Variants in PLEKHG1 observed in about 807,000 individuals in gnomAD.
The protein encoded by PLEKHG1 is pleckstrin homology and RhoGEF domain containing G1, also known as pleckstrin homology domain-containing family G member 1.
A neutral mutation model predicts 100.8 loss-of-function variants in PLEKHG1; 44 were observed. The ratio of observed to expected loss-of-function variants is 0.44; its 90% CI spans 0.34 to 0.56. The LOEUF (loss-of-function observed/expected upper bound fraction) is 0.56. Among genes scored for constraint, PLEKHG1 ranks in the 20% least tolerant of loss-of-function variants. The probability of loss-of-function intolerance (pLI) is 0.01; values close to 1 mark genes in which losing one functional copy is unlikely to be tolerated. For synonymous variants in PLEKHG1, 640 were observed against 662.5 expected (o/e 0.97, Z 0.52); for missense variants, 1,545 against 1,720.9 (o/e 0.90, Z 1.81).
In PLEKHG1 at chr6:150,670,378, G is replaced by A. The variant is rs181704903; in HGVS notation, c.-99+19592G>A. ...AAGCCATGTATAAGATAAACGTTGC[G>A]TTTGTAATAAAGAGTAAACCTAAGA... On this transcript the variant is annotated intron_variant, in intron 3 of 3. Coordinates refer to the PLEKHG1 transcript ENST00000367326. Among the ~76,000 whole-genome samples the A allele has an allele frequency of 3.0e-3, 450 of 152,184 alleles. 7 individuals are homozygous for A. Among genetic ancestry groups the A allele is most frequent in the Non-Finnish European group, 1.9e-3 (130 of 68,020 alleles).
rs1480250892 is a variant in PLEKHG1 at position 150,733,577 on chromosome 6, C to A, written c.-98-7C>A. ...CTTGTCCTTTTTATTTTCTTTAATGCATATAGATGGGCACCAGTTGCGTCT... is the reference window on the plus strand; with the variant it reads ...CTTGTCCTTTTTATTTTCTTTAATGAATATAGATGGGCACCAGTTGCGTCT... On this transcript the variant is annotated splice_region_variant and splice_polypyrimidine_tract_variant and intron_variant, in intron 1 of 15. Transcript: ENST00000358517. 3.1e-6 allele frequency: 5 copies of A among 1,598,810 alleles called. No homozygotes were observed. In the Admixed American group the frequency reaches 5.2e-5, roughly 16 times the overall value.
chr6:150,718,873 T>C (rs1053586517), upstream of PLEKHG1, among the ~76,000 whole-genome samples: 3 of 145,464 alleles, frequency 2.1e-5, no homozygotes, highest in Admixed American at 6.9e-5. Flanking sequence ...TACTTGGTAC[T>C]AGGATCAATA....
rs1004489286 is a variant in PLEKHG1 at position 150,665,016 on chromosome 6, C to T, written c.-99+14230C>T. ...GCTTCCAAGCTGCTGGCGAGGACAGCTGGGTAGAGATAGGTTGCAACCGGG... is the reference window on the plus strand; with the variant it reads ...GCTTCCAAGCTGCTGGCGAGGACAGTTGGGTAGAGATAGGTTGCAACCGGG... On this transcript the variant is annotated intron_variant, in intron 3 of 3. Transcript: ENST00000367326. 5.9e-5 allele frequency among the ~76,000 whole-genome samples: 9 copies of T among 152,198 alleles called. No individual in the cohort carries two copies. In the East Asian group the frequency reaches 1.7e-3, roughly 29 times the overall value.
At chr6:150,722,489 G>A (rs985525846) in intron 1 of PLEKHG1, among the ~76,000 whole-genome samples, 1 of 151,428 alleles carries the variant, frequency 6.6e-6, no homozygotes, top group African/African-American at 2.4e-5. Context: ...GAGTAGCTGG[G>A]ATTACAGGCA....
intron 1 of PLEKHG1, among the ~76,000 whole-genome samples, chr6:150,727,392 G>A (rs1782011593): frequency 6.6e-6 from 1 of 152,058 alleles, no homozygotes; most frequent in Non-Finnish European, 1.5e-5. Context: ...TAAGAAACCA[G>A]AGCCAAGAAG....
intron 2 of PLEKHG1, among the ~76,000 whole-genome samples, chr6:150,747,818 C>T (rs1380527401): frequency 6.6e-6 from 1 of 151,854 alleles, no homozygotes; most frequent in East Asian, 1.9e-4. Context: ...ATCGCTTGAA[C>T]TCAGGAGGTG....
intron 3 of PLEKHG1, among the ~76,000 whole-genome samples, chr6:150,685,851 A>G (rs1000282590): frequency 2.2e-4 from 34 of 152,074 alleles, no homozygotes; most frequent in African/African-American, 7.7e-4. Context: ...GGAAGGGGGG[A>G]AAAAAGAGTG....
intron 4 of PLEKHG1, among the ~76,000 whole-genome samples, chr6:150,790,668 A>G (rs1057045738): frequency 2.6e-5 from 4 of 152,214 alleles, no homozygotes; most frequent in African/African-American, 9.6e-5. Flanking sequence ...CCTAAACAAG[A>G]AGCTGTTTGA....
chr6:150,657,717 T>A (rs1267120599), intron 3 of PLEKHG1, among the ~76,000 whole-genome samples: 3 of 152,202 alleles, frequency 2.0e-5, no homozygotes, highest in Non-Finnish European at 2.9e-5. Context: ...CCAGATAGAA[T>A]GTCATAGCCC....
Position 150,831,479 on chromosome 6 carries a change from C to G in PLEKHG1, c.2368C>G (p.Leu790Val). Residue 790 changes from leucine (L) to valine (V), a missense_variant, in exon 15 of 16, where the codon CTC becomes GTC. Physicochemically the swap from Leu to Val is conservative, Grantham distance 32 (BLOSUM62 1). Coordinates refer to ENST00000358517, the Ensembl canonical transcript of PLEKHG1. The surrounding 1 kb of genome is among the most constrained non-coding windows in gnomAD (Gnocchi z 4.1). ...GAGGCCATTTGTTTCCCAAGACAGC[C>G]TCCAGCTCAGTGAGGACGAAGCCCC... 6.2e-7 allele frequency: 1 copy of G among 1,614,180 alleles called. No individual in the cohort carries two copies. The highest frequency in any genetic ancestry group is 8.5e-7 in the Non-Finnish European group (1 of 1,180,024).
chr6:150,706,949 C>T (rs1427385827), intron 3 of PLEKHG1, among the ~76,000 whole-genome samples: 2 of 138,438 alleles, frequency 1.4e-5, no homozygotes, highest in African/African-American at 5.3e-5. Flanking sequence ...GATTGGTCTT[C>T]TAGCATATGT....
chr6:150,768,802 C>A (rs533630533), intron 3 of PLEKHG1, 64 bp downstream of exon 4: 7 of 964,492 alleles, frequency 7.3e-6, no homozygotes, highest in African/African-American at 1.6e-5. Context: ...CAAATGAATG[C>A]AGCCTAAGAA....
At chr6:150,768,685 C>G in exon 3 of PLEKHG1, 4 of 1,612,720 alleles carry the variant, frequency 2.5e-6, no homozygotes, top group South Asian at 1.1e-5. Context: ...CCCTGGGGAC[C>G]GAAGAAAGAT....
rs1554251541 is a variant in PLEKHG1, at chr6:150,612,058, C to CCCA, written c.-204+12043_-204+12044insACC. On this transcript the variant is annotated intron_variant, in intron 1 of 3. Transcript: ENST00000367326. Reference sequence around the variant, plus strand: ...TCCTGGTGTTGTTCCCCCCCCCCCCCCCTTTTCTAGTTCTTAGTTAATAGC... The same window carrying CCCA: ...TCCTGGTGTTGTTCCCCCCCCCCCCCCCACCTTTTCTAGTTCTTAGTTAATAGC... Among the ~76,000 whole-genome samples the CCCA allele has an allele frequency of 3.8e-3, 383 of 101,754 alleles. 18 individuals carry two copies. The highest frequency in any genetic ancestry group is 5.9e-3 in the Non-Finnish European group (269 of 45,792). The allele number at this position is 101,754 out of a possible 152,430, so 66.8% of individuals were successfully genotyped here.
intron 3 of PLEKHG1, among the ~76,000 whole-genome samples, chr6:150,671,932 T>G (rs1417659444): frequency 6.6e-6 from 1 of 152,120 alleles, no homozygotes; most frequent in Admixed American, 6.5e-5. Context: ...GGACTATATT[T>G]ATAGGTTTTA....
intron 3 of PLEKHG1, among the ~76,000 whole-genome samples, chr6:150,714,485 G>A (rs1020472295): frequency 6.6e-6 from 1 of 152,182 alleles, no homozygotes; most frequent in Non-Finnish European, 1.5e-5. Context: ...ACTGTTGAAA[G>A]GTATACGATG....
At position 150,809,873 on chromosome 6, in the gene PLEKHG1, A is replaced by G. The variant is rs1466136825; in HGVS notation, c.1278+139A>G. ...GACAGAGTGAGACTGTCTCAAAATAAAAACAAAGAGACTGGGTCAAAAAAA... is the reference window on the plus strand; with the variant it reads ...GACAGAGTGAGACTGTCTCAAAATAGAAACAAAGAGACTGGGTCAAAAAAA... On this transcript the variant is annotated intron_variant, in intron 10 of 15. Transcript: ENST00000358517. 9 of 572,958 alleles carry G rather than the reference A, an allele frequency of 1.6e-5. No individual in the cohort carries two copies. In the African/African-American group the frequency reaches 1.8e-4, roughly 11 times the overall value. 35.5% of individuals were successfully genotyped at this position (572,958 alleles called of 1,614,324 possible). A position where few individuals can be genotyped will look rare whatever the true frequency, so the allele number is the denominator to read the frequency against.
chr6:150,808,472 G>C (rs1057459115), intron 7 of PLEKHG1, among the ~76,000 whole-genome samples: 1 of 151,888 alleles, frequency 6.6e-6, no homozygotes, highest in African/African-American at 2.4e-5. Context: ...GGAAGGGGCC[G>C]GGTGCGGTGG....
At position 150,600,449 on chromosome 6, in the gene PLEKHG1, C is replaced by A. The variant is rs879346021; in HGVS notation, c.-204+432C>A. On this transcript the variant is annotated intron_variant, in intron 1 of 3. Coordinates refer to the PLEKHG1 transcript ENST00000367326. The surrounding 1 kb of genome is among the most constrained non-coding windows in gnomAD (Gnocchi z 6.2). ...CCCCACCCCCGACTCAGCAGGACAG[C>A]CCCAGAACGGGACCCCACAGCCAGT... is the stretch of plus-strand genomic sequence containing the variant. Among the ~76,000 whole-genome samples the A allele has an allele frequency of 1.8e-4, 27 of 152,216 alleles. No individual in the cohort carries two copies. The highest frequency in any genetic ancestry group is 3.4e-3 in the Middle Eastern group (1 of 292).
Sources: gnomAD v4.1 joint callset for allele counts (sites outside exome capture counted in the v4.1 genomes callset) on GRCh38, gnomAD v4.1.1 for gene constraint, Gnocchi (gnomAD v3.1) non-coding constraint, MANE v1.5 for transcripts, NCBI Gene and HGNC (gene_info 2026-07-23, HGNC 2026-07-21) for gene names.